Variants in SORCS2 observed in about 807,000 individuals in gnomAD.
SORCS2 encodes VPS10 domain-containing receptor SorCS2.
A neutral mutation model predicts 141.6 loss-of-function variants in SORCS2; 100 were observed. The ratio of observed to expected loss-of-function variants is 0.71; its 90% CI spans 0.60 to 0.83. The LOEUF is 0.83. Among genes scored for constraint, SORCS2 ranks in the 40% least tolerant of loss-of-function variants. The pLI is 0.00. For synonymous variants in SORCS2, 789 were observed against 676.9 expected (o/e 1.17, Z -2.57); for missense variants, 1,646 against 1,560.2 (o/e 1.05, Z -0.93).
chr4:7,517,045 C>T (rs186807443), intron 2 of SORCS2, among the ~76,000 whole-genome samples: 160 of 152,306 alleles, frequency 1.1e-3, no homozygotes, highest in African/African-American at 3.6e-3. Flanking sequence ...GCATACCCAG[C>T]GCTTGGAAGT....
chr4:7,219,170 C>CTGTGTGTG (rs57092836), intron 1 of SORCS2, among the ~76,000 whole-genome samples: 21 of 150,706 alleles, frequency 1.4e-4, no homozygotes, highest in East Asian at 9.8e-4. Flanking sequence ...TTTGTCTATG[C>CTGTGTGTG]TGTGTGTGTG....
intron 11 of SORCS2, among the ~76,000 whole-genome samples, chr4:7,694,446 G>A (rs1478533403): frequency 6.6e-6 from 1 of 152,000 alleles, no homozygotes; most frequent in Non-Finnish European, 1.5e-5. Context: ...TAGGTGACAG[G>A]CAGCCTGACA....
At chr4:7,379,359 G>T (rs771062598) in intron 1 of SORCS2, among the ~76,000 whole-genome samples, 4 of 152,196 alleles carry the variant, frequency 2.6e-5, no homozygotes, top group Non-Finnish European at 5.9e-5. Flanking sequence ...CAGCCTGCGA[G>T]GTTGCACCAG....
intron 23 of SORCS2, 46 bp downstream of exon 23, chr4:7,729,758 C>G (rs748716397): frequency 5.0e-6 from 8 of 1,584,322 alleles, no homozygotes; most frequent in Non-Finnish European, 5.2e-6. Flanking sequence ...CTGCACATCC[C>G]AGGGCTCGGG....
intron 1 of SORCS2, among the ~76,000 whole-genome samples, chr4:7,231,276 C>T (rs1711865096): frequency 6.6e-6 from 1 of 152,220 alleles, no homozygotes; most frequent in East Asian, 1.9e-4. Flanking sequence ...GTCTTCTATT[C>T]AGACCTTTAA....
chr4:7,734,139 G>T (rs1369983503), intron 24 of SORCS2, 133 bp from the exon 25 acceptor site: 8 of 620,998 alleles, frequency 1.3e-5, no homozygotes, highest in Non-Finnish European at 2.2e-5. Flanking sequence ...ATGGGCCAGG[G>T]ACAGGCAGGG....
At chr4:7,484,003 A>G (rs1467968212) in intron 2 of SORCS2, among the ~76,000 whole-genome samples, 1 of 152,254 alleles carries the variant, frequency 6.6e-6, no homozygotes, top group African/African-American at 2.4e-5. Context: ...TTCAAAGCCC[A>G]GGCTCTCCTG....
intron 2 of SORCS2, chr4:7,434,626 G>T (rs1207690433): frequency 3.1e-6 from 5 of 1,613,378 alleles, no homozygotes; most frequent in Non-Finnish European, 4.2e-6. Flanking sequence ...CAGGATGTCA[G>T]ACTCCGTGGC....
At chr4:7,379,281 C>T (rs1215040875) in intron 1 of SORCS2, among the ~76,000 whole-genome samples, 1 of 152,136 alleles carries the variant, frequency 6.6e-6, no homozygotes, top group Admixed American at 6.5e-5. Flanking sequence ...CATCCTGAGC[C>T]TTGGGAGGGC....
At chr4:7,499,587 G>A (rs1002734402) in intron 2 of SORCS2, among the ~76,000 whole-genome samples, 4 of 152,052 alleles carry the variant, frequency 2.6e-5, no homozygotes, top group South Asian at 2.1e-4. Flanking sequence ...GGTGGGGGCC[G>A]GCATGGGAGA....
chr4:7,205,532 C>T (rs568994897), intron 1 of SORCS2, among the ~76,000 whole-genome samples: 1 of 152,280 alleles, frequency 6.6e-6, no homozygotes, highest in Non-Finnish European at 1.5e-5. Context: ...ACTTTGAGAT[C>T]GATAACAACT....
At chr4:7,380,761 G>A (rs1056348159) in intron 1 of SORCS2, among the ~76,000 whole-genome samples, 4 of 152,238 alleles carry the variant, frequency 2.6e-5, no homozygotes, top group African/African-American at 7.2e-5. Context: ...TCTATTTATG[G>A]CCGTGATGTG....
chr4:7,311,426 A>C (rs1718177701), intron 1 of SORCS2, among the ~76,000 whole-genome samples: 1 of 152,200 alleles, frequency 6.6e-6, no homozygotes, highest in Non-Finnish European at 1.5e-5. Flanking sequence ...TCTCTCGGGT[A>C]AATATCTGGG....
intron 3 of SORCS2, among the ~76,000 whole-genome samples, chr4:7,540,269 C>T (rs73214635): frequency 0.17 from 24,651 of 147,642 alleles, 2,140 homozygotes; most frequent in Non-Finnish European, 0.2. Context: ...GACCTCTTGG[C>T]CCGCCTAGGG....
At position 7,271,384 on chromosome 4, in the gene SORCS2, G is replaced by A. The variant is rs565677290; in HGVS notation, c.480+78258G>A. On this transcript the variant is annotated intron_variant, in intron 1 of 26. Coordinates refer to ENST00000507866, the MANE Select transcript of SORCS2 (RefSeq NM_020777.3). ...CCCTCCCAACTATGTTGGCCTCCCT[G>A]CTGCCCCTTGAACCTGCTAGGCGTG... Among the ~76,000 whole-genome samples the A allele has an allele frequency of 2.7e-4, 41 of 152,254 alleles. 1 individual carries two copies. The East Asian group carries it at 7.7e-3, about 29-fold the overall frequency.
At chr4:7,539,699 C>T (rs900354430) in intron 3 of SORCS2, among the ~76,000 whole-genome samples, 4 of 151,260 alleles carry the variant, frequency 2.6e-5, no homozygotes, top group African/African-American at 9.7e-5. Context: ...ATGGAGGCCC[C>T]GCCCCTTCCT....
At chr4:7,433,240 T>C in intron 2 of SORCS2, 2 of 1,309,692 alleles carry the variant, frequency 1.5e-6, no homozygotes. Context: ...AGTTTTTCAT[T>C]TGTGAAATGG....
intron 1 of SORCS2, among the ~76,000 whole-genome samples, chr4:7,217,425 G>A (rs991019021): frequency 6.6e-6 from 1 of 152,202 alleles, no homozygotes; most frequent in Admixed American, 6.5e-5. Flanking sequence ...CGCCTGGCTC[G>A]TGGCCTCTGG....
In SORCS2 at chr4:7,340,964, C is replaced by G. The variant is rs184807721; in HGVS notation, c.481-55324C>G. 1.7e-3 allele frequency among the ~76,000 whole-genome samples: 263 copies of G among 152,328 alleles called. 1 individual carries two copies. Among genetic ancestry groups the G allele is most frequent in the Non-Finnish European group, 1.2e-3 (85 of 68,026 alleles). On this transcript the variant is annotated intron_variant, in intron 1 of 26. Coordinates refer to ENST00000507866, the MANE Select transcript of SORCS2 (RefSeq NM_020777.3). ...GCCAGGCTGGACAATTGCACCCATC[C>G]CTGCTGCATGGCCAGAGCAGCTGGA...
Sources: gnomAD v4.1 joint callset for allele counts (sites outside exome capture counted in the v4.1 genomes callset) on GRCh38, gnomAD v4.1.1 for gene constraint, MANE v1.5 for transcripts, NCBI Gene and HGNC (gene_info 2026-07-23, HGNC 2026-07-21) for gene names.